The following WFDC9 variants were observed in gnomAD, a reference collection of about 807,000 sequenced individuals.
WFDC9 encodes WAP four-disulfide core domain 9, also known as protein WFDC9.
A neutral mutation model predicts 9.5 loss-of-function variants in WFDC9; 9 were observed. That is an observed-to-expected ratio of 0.95 (90% CI 0.57 to 1.65). The LOEUF is 1.65. Ranked by LOEUF, WFDC9 falls within the 40% of genes most tolerant of loss-of-function variation. The probability of loss-of-function intolerance (pLI) is 0.00; values close to 1 mark genes in which losing one functional copy is unlikely to be tolerated. For missense variants in WFDC9, 87 were observed against 106.7 expected (o/e 0.82, Z 0.81); for synonymous variants, 33 against 32.3 (o/e 1.02, Z -0.07).
chr20:45,622,961 T>C (rs559176231), intron 1 of WFDC9, among the ~76,000 whole-genome samples: 1 of 152,148 alleles, frequency 6.6e-6, no homozygotes, highest in South Asian at 2.1e-4. Flanking sequence ...CCTAAACAGA[T>C]TTGTATTGTC....
chr20:45,608,654 C>A lies in WFDC9; in HGVS notation c.239+9G>T, dbSNP rs201384053. 1.8e-5 allele frequency: 29 copies of A among 1,608,988 alleles called. No individual in the cohort carries two copies. Among genetic ancestry groups the A allele is most frequent in the South Asian group, 2.2e-5 (2 of 89,812 alleles). On this transcript the variant is annotated intron_variant, in intron 4 of 4. Transcript: ENST00000326000. ...CCAGGCCCTAGCCTTCCCACCCCAA[C>A]CAACTCACTCGTTGTCTAAGCAGAT...
chr20:45,624,556 C>A (rs3091839), intron 1 of WFDC9, among the ~76,000 whole-genome samples: 46,401 of 152,026 alleles, frequency 0.31, 7,178 homozygotes, highest in Middle Eastern at 0.43. Flanking sequence ...ATGCTGATTT[C>A]CTTTCCTTTG....
intron 1 of WFDC9, 179 bp downstream of exon 1, chr20:45,631,023 GA>G (rs1568656247): frequency 6.3e-7 from 1 of 1,593,694 alleles, no homozygotes; most frequent in African/African-American, 1.3e-5. Flanking sequence ...CTGTGAGTGG[GA>G]GAGTGGGCTG....
intron 2 of WFDC9, among the ~76,000 whole-genome samples, chr20:45,611,754 T>G (rs1325615461): frequency 6.6e-6 from 1 of 152,170 alleles, no homozygotes; most frequent in Non-Finnish European, 1.5e-5. Context: ...ACATTGTCTT[T>G]CCCAGGCTTT....
At chr20:45,630,754 G>GT in intron 1 of WFDC9, 1 of 1,170,246 alleles carries the variant, frequency 8.5e-7, no homozygotes. Context: ...TATGAAGAAG[G>GT]AATCCAGGAG....
intron 3 of WFDC9, among the ~76,000 whole-genome samples, chr20:45,609,605 G>A (rs1417072144): frequency 6.6e-6 from 1 of 152,022 alleles, no homozygotes; most frequent in Non-Finnish European, 1.5e-5. Flanking sequence ...CAGTGTCTTT[G>A]TTGTCCACAT....
chr20:45,628,592 A>C (rs1982276984), intron 1 of WFDC9, among the ~76,000 whole-genome samples: 1 of 152,198 alleles, frequency 6.6e-6, no homozygotes, highest in Admixed American at 6.5e-5. Flanking sequence ...GGAAAGAGAG[A>C]GCCTTTGGGA....
At chr20:45,625,137 G>C (rs1302294434) in intron 1 of WFDC9, among the ~76,000 whole-genome samples, 1 of 152,152 alleles carries the variant, frequency 6.6e-6, no homozygotes, top group Non-Finnish European at 1.5e-5. Flanking sequence ...AATCATGTCA[G>C]AAGGCGAAGG....
At chr20:45,621,585 G>A (rs1982101986) in intron 1 of WFDC9, among the ~76,000 whole-genome samples, 1 of 152,158 alleles carries the variant, frequency 6.6e-6, no homozygotes, top group African/African-American at 2.4e-5. Context: ...TTGGTTTATG[G>A]TAGATATCTG....
chr20:45,624,878 A>G (rs1419329806), intron 1 of WFDC9, among the ~76,000 whole-genome samples: 1 of 151,980 alleles, frequency 6.6e-6, no homozygotes, highest in Non-Finnish European at 1.5e-5. Context: ...GGTCATTTGT[A>G]TGTCTTCTTT....
rs1362989119 is a variant in WFDC9, at chr20:45,608,754, A to G, written c.148T>C (p.Cys50Arg). The change falls in exon 4 of 5, where the codon TGT (cysteine) becomes CGT (arginine). Residue 50 changes from cysteine to arginine, a missense_variant. Physicochemically the swap from Cys to Arg is radical, Grantham distance 180 (BLOSUM62 -3). Transcript: ENST00000326000. ...QCWVQPPYKYCEKRCTKIMTC... is the reference protein window; with the variant it reads ...QCWVQPPYKYREKRCTKIMTC... ...ATTATTTTAGTACACCTTTTCTCAC[A>G]GTACTTATATGGAGGCTGTACCCAG... The G allele has an allele frequency of 1.2e-6, 2 of 1,614,118 alleles. No homozygotes were observed. The highest frequency in any genetic ancestry group is 1.7e-6 in the Non-Finnish European group (2 of 1,179,988).
At chr20:45,609,192 T>C (rs1238074488) in intron 3 of WFDC9, among the ~76,000 whole-genome samples, 1 of 151,676 alleles carries the variant, frequency 6.6e-6, no homozygotes, top group Non-Finnish European at 1.5e-5. Context: ...AGAAACTTAC[T>C]TTTTTTCCCC....
Position 45,610,486 on chromosome 20 carries a change from T to C in WFDC9, c.-58-247A>G, listed in dbSNP as rs1269194857. Among the ~76,000 whole-genome samples the C allele has an allele frequency of 4.6e-5, 7 of 152,176 alleles. No individual in the cohort carries two copies. In the South Asian group the frequency reaches 1.0e-3, roughly 23 times the overall value. The stretch of plus-strand genomic sequence containing the variant: ...AACAATAAATCCTCAGATTATATAA[T>C]ATGTAAAATTAAAAATACAAAGAGG... On this transcript the variant is annotated intron_variant, in intron 2 of 4. Coordinates refer to ENST00000326000, the MANE Select transcript of WFDC9 (RefSeq NM_147198.4).
intron 1 of WFDC9, among the ~76,000 whole-genome samples, chr20:45,618,035 G>C (rs765182440): frequency 1.1e-4 from 16 of 152,158 alleles, no homozygotes; most frequent in Non-Finnish European, 1.9e-4. Flanking sequence ...TTGTTAAAGG[G>C]CCAACAGTAT....
intron 1 of WFDC9, among the ~76,000 whole-genome samples, chr20:45,620,918 T>G (rs1229544824): frequency 6.6e-6 from 1 of 152,206 alleles, no homozygotes; most frequent in African/African-American, 2.4e-5. Context: ...AAAATTTTAA[T>G]CTGAGAATCT....
At chr20:45,613,492 A>G (rs752774732) in intron 2 of WFDC9, among the ~76,000 whole-genome samples, 2 of 152,352 alleles carry the variant, frequency 1.3e-5, no homozygotes, top group East Asian at 3.9e-4. Context: ...CATTAGATGT[A>G]TTGACTTTTA....
intron 3 of WFDC9, among the ~76,000 whole-genome samples, chr20:45,609,243 G>A (rs1386563819): frequency 2.3e-4 from 34 of 146,332 alleles, no homozygotes; most frequent in Middle Eastern, 3.5e-3. Context: ...TTGCCCTGTC[G>A]CCCAGGCTGG....
At chr20:45,626,543 G>A (rs1395242376) in intron 1 of WFDC9, among the ~76,000 whole-genome samples, 1 of 151,990 alleles carries the variant, frequency 6.6e-6, no homozygotes, top group Admixed American at 6.5e-5. Flanking sequence ...GTATTTATTT[G>A]TAGCTGTTAT....
intron 1 of WFDC9, among the ~76,000 whole-genome samples, chr20:45,618,447 A>G (rs751155943): frequency 1.1e-4 from 16 of 152,222 alleles, no homozygotes; most frequent in South Asian, 2.1e-4. Context: ...CTTTCAGCCT[A>G]TCTCAGCTGT....
Sources: allele counts gnomAD v4.1 joint callset (sites outside exome capture counted in the v4.1 genomes callset), GRCh38; gene constraint gnomAD v4.1.1; transcripts MANE v1.5; gene names NCBI Gene and HGNC (gene_info 2026-07-23, HGNC 2026-07-21).